Variants in NCAM2 observed in about 807,000 individuals in gnomAD.
NCAM2 encodes N-CAM-2.
In NCAM2, 30 loss-of-function variants were observed where a neutral mutation model predicts 98.1. That is an observed-to-expected ratio of 0.31 (90% confidence interval 0.23 to 0.41). NCAM2 has a LOEUF of 0.41. NCAM2 is among the 10% of genes least tolerant of loss of function. The pLI is 1.00. For missense variants in NCAM2, 867 were observed against 1,005.8 expected, an observed-to-expected ratio of 0.86 and a Z score of 1.87; for synonymous variants, 368 against 342.4, an observed-to-expected ratio of 1.07 and a Z score of -0.83.
intron 1 of NCAM2, among the ~76,000 whole-genome samples, chr21:21,099,677 A>T (rs1481917974): frequency 6.6e-6 from 1 of 151,918 alleles, no homozygotes; most frequent in Non-Finnish European, 1.5e-5. Flanking sequence ...GTGGGGACGC[A>T]GCCAAACCTT....
At position 21,337,053 on chromosome 21, in the gene NCAM2, T is replaced by TTCCC. The variant is rs532502910; in HGVS notation, c.899-1335_899-1332dup. On this transcript the variant is annotated intron_variant, in intron 7 of 17. Transcript: ENST00000400546. ...AAGTCCCTAACTTGTTCTAGCAGTG[T>TTCCC]TCCCCACTTGAAAATATTTTTTCTA... is the stretch of plus-strand genomic sequence containing the variant. Among the ~76,000 whole-genome samples, 226 of 152,244 alleles carry TTCCC rather than the reference T, an allele frequency of 1.5e-3. 2 individuals carry two copies. The highest frequency in any genetic ancestry group is 5.3e-3 in the African/African-American group (219 of 41,560).
At chr21:21,121,892 A>C (rs555310000) in intron 1 of NCAM2, among the ~76,000 whole-genome samples, 5 of 152,226 alleles carry the variant, frequency 3.3e-5, no homozygotes, top group African/African-American at 4.8e-5. Context: ...CATTTCTTCA[A>C]AAGTGATGAG....
At chr21:21,263,523 A>G (rs1474276986) in intron 1 of NCAM2, among the ~76,000 whole-genome samples, 1 of 152,048 alleles carries the variant, frequency 6.6e-6, no homozygotes, top group African/African-American at 2.4e-5. Flanking sequence ...AAAATTCATA[A>G]TGGACCACAC....
chr21:21,136,518 G>T (rs2067054345), intron 1 of NCAM2, among the ~76,000 whole-genome samples: 1 of 151,346 alleles, frequency 6.6e-6, no homozygotes, highest in Non-Finnish European at 1.5e-5. Flanking sequence ...CTGGAGTGCA[G>T]TGGTGCGATC....
chr21:21,331,555 TATACTCTATATACATATATATATAG>T (rs2074699226), intron 6 of NCAM2, among the ~76,000 whole-genome samples: 1 of 9,724 alleles, frequency 1.0e-4, no homozygotes, highest in African/African-American at 3.0e-4. Context: ...CATATATATA[TATACTCTATATACATATATATATAG>T]AGAGAGAGAG....
chr21:20,998,496 C>A lies in NCAM2; in HGVS notation c.-68C>A. 6.6e-7 allele frequency: 1 copy of A among 1,523,990 alleles called. No individual in the cohort carries two copies. Among genetic ancestry groups the A allele is most frequent in the Non-Finnish European group, 9.0e-7 (1 of 1,113,952 alleles). 94.4% of individuals were successfully genotyped at this position (1,523,990 alleles called of 1,614,324 possible). ...GCTCTAGCAGAGGCGGCCGGGGCAG[C>A]GAAAGGTTCTCTCTCCAGGGCTGGA... On this transcript the variant is annotated 5_prime_UTR_variant, in exon 1 of 18. Coordinates refer to ENST00000400546, the MANE Select transcript of NCAM2 (RefSeq NM_004540.5).
At chr21:21,123,067 A>C (rs1483629311) in intron 1 of NCAM2, among the ~76,000 whole-genome samples, 1 of 152,206 alleles carries the variant, frequency 6.6e-6, no homozygotes, top group Admixed American at 6.5e-5. Flanking sequence ...AAATATAATT[A>C]AATTTCAAAA....
At chr21:21,222,205 C>G (rs1204097312) in intron 1 of NCAM2, among the ~76,000 whole-genome samples, 1 of 152,106 alleles carries the variant, frequency 6.6e-6, no homozygotes. Context: ...TCTTGTCACC[C>G]AAGAGCTCTG....
At chr21:21,528,027 T>C (rs751850564) in intron 16 of NCAM2, among the ~76,000 whole-genome samples, 6 of 152,136 alleles carry the variant, frequency 3.9e-5, no homozygotes, top group Non-Finnish European at 8.8e-5. Flanking sequence ...AGGAAAGAGA[T>C]AGCAAGCCAC....
intron 1 of NCAM2, among the ~76,000 whole-genome samples, chr21:21,072,614 G>A (rs973841278): frequency 6.6e-6 from 1 of 152,066 alleles, no homozygotes. Flanking sequence ...AAATGGATCT[G>A]AAAACGTTTC....
chr21:21,072,666 AAG>A (rs1470674417), intron 1 of NCAM2, among the ~76,000 whole-genome samples: 4 of 152,174 alleles, frequency 2.6e-5, no homozygotes, highest in African/African-American at 9.6e-5. Context: ...GTATTACTAA[AAG>A]AATACAAATT....
At chr21:21,130,310 G>T (rs2066907841) in intron 1 of NCAM2, among the ~76,000 whole-genome samples, 1 of 151,926 alleles carries the variant, frequency 6.6e-6, no homozygotes, top group Admixed American at 6.6e-5. Flanking sequence ...GTTCATCTGG[G>T]GAAATTAATA....
intron 6 of NCAM2, among the ~76,000 whole-genome samples, chr21:21,332,654 C>T (rs952776217): frequency 2.6e-5 from 4 of 152,164 alleles, no homozygotes; most frequent in Non-Finnish European, 1.5e-5. Context: ...GTGCAGCTGT[C>T]TTCTCTCACA....
Position 21,089,058 on chromosome 21 carries a change from A to T in NCAM2, c.55+90440A>T, listed in dbSNP as rs543594904. On this transcript the variant is annotated intron_variant, in intron 1 of 17. Transcript: ENST00000400546. ...AGGTTTACAATTTTGGTATTTAGCTAAATTATGTCAATCATTTTTTTTAGT... is the reference window on the plus strand; with the variant it reads ...AGGTTTACAATTTTGGTATTTAGCTTAATTATGTCAATCATTTTTTTTAGT... Among the ~76,000 whole-genome samples the T allele has an allele frequency of 9.0e-5, 13 of 144,892 alleles. No homozygotes were observed. The East Asian group carries it at 2.4e-3, about 27-fold the overall frequency.
At chr21:21,466,041 G>C (rs924694493) in intron 12 of NCAM2, among the ~76,000 whole-genome samples, 2 of 151,998 alleles carry the variant, frequency 1.3e-5, no homozygotes, top group Non-Finnish European at 2.9e-5. Flanking sequence ...AAGAAACTCA[G>C]AGTGAAAATA....
At chr21:21,204,606 A>G (rs2069364480) in intron 1 of NCAM2, among the ~76,000 whole-genome samples, 3 of 152,304 alleles carry the variant, frequency 2.0e-5, no homozygotes, top group African/African-American at 7.2e-5. Flanking sequence ...TAACCTTGAC[A>G]TTCAGATTAA....
intron 16 of NCAM2, among the ~76,000 whole-genome samples, chr21:21,525,281 G>C (rs1253163109): frequency 6.6e-6 from 1 of 151,970 alleles, no homozygotes; most frequent in Non-Finnish European, 1.5e-5. Flanking sequence ...AAAAATAAAA[G>C]AAGACAGAGA....
chr21:21,520,735 G>T (rs1257810264), intron 16 of NCAM2, among the ~76,000 whole-genome samples: 1 of 152,146 alleles, frequency 6.6e-6, no homozygotes, highest in Non-Finnish European at 1.5e-5. Context: ...AGAGGCAGAT[G>T]CAGAAAATCA....
intron 1 of NCAM2, among the ~76,000 whole-genome samples, chr21:21,125,587 C>T (rs1398250563): frequency 5.3e-5 from 3 of 56,684 alleles, no homozygotes; most frequent in African/African-American, 1.1e-4. Context: ...ATATAATATA[C>T]ATATTTATTA....
Sources: allele counts gnomAD v4.1 joint callset (sites outside exome capture counted in the v4.1 genomes callset), GRCh38; gene constraint gnomAD v4.1.1; transcripts MANE v1.5; gene names NCBI Gene and HGNC (gene_info 2026-07-23, HGNC 2026-07-21).